The following COL9A1 variants were observed in gnomAD, a reference collection of about 807,000 sequenced individuals.
COL9A1 encodes collagen alpha-1(IX) chain.
A neutral mutation model predicts 142.6 loss-of-function variants in COL9A1; 104 were observed. The observed-to-expected ratio is 0.73, with a 90% CI of 0.62 to 0.86. The LOEUF (loss-of-function observed/expected upper bound fraction) is 0.86, where lower values mean the gene tolerates loss of function less well. Ranked by LOEUF, COL9A1 falls within the 40% of genes least tolerant of loss-of-function variation. COL9A1 has a pLI of 0.00. For missense variants in COL9A1, 1,210 were observed against 1,176.6 expected (o/e 1.03, Z -0.42); for synonymous variants, 466 against 396.0 (o/e 1.18, Z -2.10).
chr6:70,215,282 T>C (rs966947541), downstream of COL9A1: 7 of 152,210 alleles, frequency 4.6e-5, no homozygotes, highest in African/African-American at 1.7e-4. Context: ...TAAAACTAGA[T>C]GCTGTAAGCA....
chr6:70,240,816 A>G (rs1294761801), intron 31 of COL9A1, 83 bp from the exon 32 acceptor site: 37 of 1,039,604 alleles, frequency 3.6e-5, no homozygotes, highest in South Asian at 5.1e-5. Context: ...ATAAGCATTC[A>G]TAAGTGCCCA....
chr6:70,293,279 T>C (rs1319600855), intron 5 of COL9A1, among the ~76,000 whole-genome samples: 1 of 152,206 alleles, frequency 6.6e-6, no homozygotes, highest in Admixed American at 6.6e-5. Flanking sequence ...ACACTTGTCC[T>C]CTAAGACATA....
intron 37 of COL9A1, among the ~76,000 whole-genome samples, chr6:70,224,675 T>C (rs76013521): frequency 0.041 from 6,206 of 152,256 alleles, 166 homozygotes; most frequent in Non-Finnish European, 0.063. Flanking sequence ...TAGTAAATTC[T>C]ATTTCCTTTT....
rs1773321456 is a variant in COL9A1, at chr6:70,283,764, A to G, written c.753T>C (p.Thr251=). The G allele has an allele frequency of 6.2e-7, 1 of 1,612,110 alleles. No individual in the cohort carries two copies. Among genetic ancestry groups the G allele is most frequent in the South Asian group, 1.1e-5 (1 of 90,280 alleles). Residue 251 remains threonine, a synonymous_variant, in exon 6 of 38, where the codon ACT becomes ACC. Transcript: ENST00000357250. Reference sequence around the variant, plus strand: ...TTATTCTGGCTGGCAGCTCATGGCAAGTTTCTCTCCTGGGCCGCAGGGGGT... The same window carrying G: ...TTATTCTGGCTGGCAGCTCATGGCAGGTTTCTCTCCTGGGCCGCAGGGGGT... The part of the protein sequence containing the change: ...HCDPLRPRRE[T]CHELPARITP...
chr6:70,251,362 T>G (rs1770930139), intron 28 of COL9A1, among the ~76,000 whole-genome samples: 1 of 151,958 alleles, frequency 6.6e-6, no homozygotes, highest in Non-Finnish European at 1.5e-5. Flanking sequence ...CTGGTCAACA[T>G]AGCAAGACCC....
At chr6:70,259,299 G>A (rs1216880920) in intron 20 of COL9A1, among the ~76,000 whole-genome samples, 1 of 152,148 alleles carries the variant, frequency 6.6e-6, no homozygotes, top group Admixed American at 6.5e-5. Flanking sequence ...TGTGCTGCTG[G>A]GGGAACTGAC....
chr6:70,262,599 C>A (rs1771762475), intron 19 of COL9A1, among the ~76,000 whole-genome samples: 1 of 152,062 alleles, frequency 6.6e-6, no homozygotes, highest in South Asian at 2.1e-4. Flanking sequence ...TTATTATTTC[C>A]AAAATTGTCA....
chr6:70,282,704 C>G (rs968626018), intron 7 of COL9A1, among the ~76,000 whole-genome samples, 194 bp downstream of exon 7: 14 of 152,162 alleles, frequency 9.2e-5, no homozygotes, highest in Admixed American at 8.5e-4. Flanking sequence ...AGGAGCCCCC[C>G]TTCCTAGACC....
At chr6:70,233,094 G>C (rs1769661501) in intron 35 of COL9A1, among the ~76,000 whole-genome samples, 1 of 152,104 alleles carries the variant, frequency 6.6e-6, no homozygotes, top group African/African-American at 2.4e-5. Context: ...TGTTCTGGAA[G>C]GATGTCACCT....
chr6:70,227,424 T>TAAAAAAAAAAA lies in COL9A1; in HGVS notation c.2504-1426_2504-1416dup, dbSNP rs11407353. On this transcript the variant is annotated intron_variant, in intron 36 of 37. Coordinates refer to ENST00000357250, the MANE Select transcript of COL9A1 (RefSeq NM_001851.6). ...CTCATAACAAAATAAATGCAAATTG[T>TAAAAAAAAAAA]AAAAAAAAAAAAAAAAAAAAAAAAG... is the stretch of plus-strand genomic sequence containing the variant. Among the ~76,000 whole-genome samples, 32 of 50,024 alleles carry TAAAAAAAAAAA rather than the reference T, an allele frequency of 6.4e-4. 2 individuals are homozygous for TAAAAAAAAAAA. The East Asian group carries it at 8.7e-3, about 14-fold the overall frequency. The allele number at this position is 50,024 out of a possible 152,430, so 32.8% of individuals were successfully genotyped here.
chr6:70,275,875 C>A (rs990171559), intron 10 of COL9A1, among the ~76,000 whole-genome samples: 3 of 152,012 alleles, frequency 2.0e-5, no homozygotes, highest in African/African-American at 4.8e-5. Flanking sequence ...TATGAAAGCC[C>A]TACTTAAAAA....
At chr6:70,274,131 T>C (rs775392894) in intron 11 of COL9A1, 49 bp from the exon 12 acceptor site, 1 of 1,442,992 alleles carries the variant, frequency 6.9e-7, no homozygotes, top group Non-Finnish European at 9.6e-7. Flanking sequence ...ATCATGAATA[T>C]GTAAATGTGA....
chr6:70,240,326 T>A (rs568253177), intron 32 of COL9A1, among the ~76,000 whole-genome samples: 1 of 152,324 alleles, frequency 6.6e-6, no homozygotes, highest in East Asian at 1.9e-4. Context: ...TAGTGCACTA[T>A]TATTCATAGA....
chr6:70,216,814 T>C lies in COL9A1; in HGVS notation c.*83A>G. Reference sequence around the variant, plus strand: ...TAATCATGCTGAAGGTAATCATCTTTGCCCCAGCTTTGGATGGTGTTTCTC... The same window carrying C: ...TAATCATGCTGAAGGTAATCATCTTCGCCCCAGCTTTGGATGGTGTTTCTC... On this transcript the variant is annotated 3_prime_UTR_variant, in exon 38 of 38. Transcript: ENST00000357250. 3 of 1,415,034 alleles carry C rather than the reference T, an allele frequency of 2.1e-6. No individual in the cohort carries two copies. Among genetic ancestry groups the C allele is most frequent in the Non-Finnish European group, 3.0e-6 (3 of 1,006,736 alleles). 87.7% of individuals were successfully genotyped at this position (1,415,034 alleles called of 1,614,324 possible). A position where few individuals can be genotyped will look rare whatever the true frequency, so the allele number is the denominator to read the frequency against.
At chr6:70,274,850 T>C (rs1348289687) in intron 10 of COL9A1, 78 bp from the exon 11 acceptor site, 1 of 1,148,676 alleles carries the variant, frequency 8.7e-7, no homozygotes, top group Non-Finnish European at 1.3e-6. Flanking sequence ...TTTCATTTTA[T>C]TTATTAATTG....
chr6:70,252,010 A>T (rs1355844469), intron 28 of COL9A1, 110 bp downstream of exon 28: 1 of 1,128,516 alleles, frequency 8.9e-7, no homozygotes, highest in Non-Finnish European at 1.4e-6. Flanking sequence ...TTGGACTAGC[A>T]TGGGCTCAAA....
intron 36 of COL9A1, among the ~76,000 whole-genome samples, chr6:70,228,369 C>T (rs1769359685): frequency 6.6e-6 from 1 of 152,132 alleles, no homozygotes; most frequent in African/African-American, 2.4e-5. Context: ...CCTTAGTTAA[C>T]TGGTCCTAAA....
At chr6:70,256,860 G>T (rs1771336117) in intron 20 of COL9A1, 39 bp from the exon 21 acceptor site, 1 of 1,590,356 alleles carries the variant, frequency 6.3e-7, no homozygotes. Context: ...ACTGAGATCA[G>T]TCATGTATGT....
At chr6:70,240,665 T>C in intron 32 of COL9A1, 24 bp downstream of exon 32, 1 of 1,600,440 alleles carries the variant, frequency 6.2e-7, no homozygotes, top group South Asian at 1.1e-5. Context: ...AGCTTCATCA[T>C]TAACCAGAAA....
Sources: allele counts gnomAD v4.1 joint callset (sites outside exome capture counted in the v4.1 genomes callset), GRCh38; gene constraint gnomAD v4.1.1; transcripts MANE v1.5; gene names NCBI Gene and HGNC (gene_info 2026-07-23, HGNC 2026-07-21).